Variants in CHODL observed in about 807,000 individuals in gnomAD.
The protein encoded by CHODL is transmembrane protein MT75.
In CHODL, 29 loss-of-function variants were observed where a neutral mutation model predicts 34.5. The ratio of observed to expected loss-of-function variants is 0.84; its 90% confidence interval spans 0.63 to 1.15. CHODL has a LOEUF of 1.15. Ranked by LOEUF, CHODL falls within the 50% of genes most tolerant of loss-of-function variation. The pLI is 0.00. For synonymous variants in CHODL, 125 were observed against 116.1 expected, an observed-to-expected ratio of 1.08 and a Z score of -0.49; for missense variants, 332 against 332.5, an observed-to-expected ratio of 1.00 and a Z score of 0.01.
chr21:18,203,700 A>G (rs1158456552), intron 2 of CHODL, among the ~76,000 whole-genome samples: 1 of 152,164 alleles, frequency 6.6e-6, no homozygotes, highest in African/African-American at 2.4e-5. Flanking sequence ...TAGAAAATAA[A>G]GCCTAACTAA....
rs186220095 is a variant in CHODL, at chr21:18,057,134, C to T, written c.-45+29163C>T. On this transcript the variant is annotated intron_variant, in intron 2 of 6. Transcript: ENST00000400127. ...CCAGCAAATTGTGTTCCAATTTCAT[C>T]CTTGAGGGTAAGATCCTGATTCCAG... 4.8e-3 allele frequency among the ~76,000 whole-genome samples: 732 copies of T among 152,162 alleles called. 7 individuals are homozygous for T. Among genetic ancestry groups the T allele is most frequent in the Non-Finnish European group, 8.4e-3 (574 of 67,968 alleles).
chr21:18,226,354 G>A (rs192958199), intron 2 of CHODL, among the ~76,000 whole-genome samples: 1 of 152,292 alleles, frequency 6.6e-6, no homozygotes, highest in East Asian at 1.9e-4. Context: ...AGGCTGGAGT[G>A]TAGTGGCGTG....
At chr21:18,248,238 A>G (rs2074168016) in intron 1 of CHODL, among the ~76,000 whole-genome samples, 1 of 151,838 alleles carries the variant, frequency 6.6e-6, no homozygotes, top group African/African-American at 2.4e-5. Context: ...TTGCAAATTC[A>G]TGGGTGGTGA....
chr21:18,248,694 C>CATATATATATGTATA (rs542647010), intron 1 of CHODL, among the ~76,000 whole-genome samples: 1 of 108,044 alleles, frequency 9.3e-6, no homozygotes, highest in Non-Finnish European at 1.7e-5. Context: ...ATATTATATA[C>CATATATATATGTATA]ATATATATGT....
chr21:18,234,003 C>T (rs2074006022), intron 2 of CHODL, among the ~76,000 whole-genome samples: 3 of 152,048 alleles, frequency 2.0e-5, no homozygotes, highest in South Asian at 4.1e-4. Context: ...ATCAATAGAG[C>T]ATTAACTTCT....
At chr21:18,169,837 A>T (rs1373514943) in intron 2 of CHODL, among the ~76,000 whole-genome samples, 2 of 151,926 alleles carry the variant, frequency 1.3e-5, no homozygotes, top group Non-Finnish European at 2.9e-5. Context: ...AGTTTTTCTG[A>T]ATTTTCTTGT....
intron 1 of CHODL, among the ~76,000 whole-genome samples, chr21:18,250,856 CT>C (rs1008916034): frequency 1.3e-5 from 2 of 151,224 alleles, no homozygotes; most frequent in East Asian, 1.9e-4. Flanking sequence ...CTCTTTTTTA[CT>C]TTTTTTTGCA....
intron 2 of CHODL, among the ~76,000 whole-genome samples, chr21:18,037,747 G>A (rs1260981356): frequency 6.6e-6 from 1 of 151,722 alleles, no homozygotes; most frequent in Non-Finnish European, 1.5e-5. Context: ...CTTGTAGAAT[G>A]TTTGATGGTT....
chr21:18,115,628 C>T (rs901757911), intron 2 of CHODL, among the ~76,000 whole-genome samples: 1 of 152,210 alleles, frequency 6.6e-6, no homozygotes, highest in South Asian at 2.1e-4. Flanking sequence ...TGCTGTTCTT[C>T]TGCCTTCCTC....
At chr21:18,260,486 T>G (rs568575129) in intron 4 of CHODL, among the ~76,000 whole-genome samples, 200 bp downstream of exon 4, 1 of 152,262 alleles carries the variant, frequency 6.6e-6, no homozygotes, top group South Asian at 2.1e-4. Flanking sequence ...TTTGTTTTCT[T>G]CAGAGTGGTA....
In CHODL at chr21:17,938,493, T is replaced by TTTTTTG. The variant is rs1568806953; in HGVS notation, c.-145+21093_-145+21094insTTTTTG. Among the ~76,000 whole-genome samples the TTTTTTG allele has an allele frequency of 7.4e-5, 4 of 54,032 alleles. 1 individual carries two copies. The highest frequency in any genetic ancestry group is 1.2e-3 in the South Asian group (1 of 868). 35.4% of individuals were successfully genotyped at this position (54,032 alleles called of 152,430 possible). A position where few individuals can be genotyped will look rare whatever the true frequency, so the allele number is the denominator to read the frequency against. ...TTTTTTTTTTTTTTTTTTTTTTTTT[T>TTTTTTG]AAGGAAAGGGAGTCTCGCTCCATCG... On this transcript the variant is annotated intron_variant, in intron 1 of 6. Transcript: ENST00000400127.
intron 1 of CHODL, among the ~76,000 whole-genome samples, chr21:17,994,576 AC>A (rs1396458914): frequency 3.0e-4 from 46 of 152,100 alleles, no homozygotes; most frequent in Non-Finnish European, 1.3e-4. Context: ...ATGGTAGTGG[AC>A]TGAGAGGTCT....
chr21:17,955,131 CT>C (rs1156693448), intron 1 of CHODL, among the ~76,000 whole-genome samples: 1 of 135,094 alleles, frequency 7.4e-6, no homozygotes, highest in East Asian at 2.2e-4. Flanking sequence ...AAGAGCAGTT[CT>C]TTTCTAAGAA....
chr21:17,999,430 G>C (rs1453672722), intron 1 of CHODL, among the ~76,000 whole-genome samples: 1 of 152,038 alleles, frequency 6.6e-6, no homozygotes, highest in East Asian at 1.9e-4. Flanking sequence ...TATCTTTTCA[G>C]CAACACCCCA....
At chr21:18,197,037 G>C (rs772031421) in intron 2 of CHODL, among the ~76,000 whole-genome samples, 2 of 152,128 alleles carry the variant, frequency 1.3e-5, no homozygotes, top group Admixed American at 6.5e-5. Flanking sequence ...TAATTAATAT[G>C]TTAGGTAGCT....
intron 1 of CHODL, among the ~76,000 whole-genome samples, chr21:17,939,385 C>G (rs1037057810): frequency 2.0e-5 from 3 of 152,148 alleles, no homozygotes; most frequent in African/African-American, 7.2e-5. Context: ...TAAGTTTCAT[C>G]CATGTTGTCA....
Position 18,005,615 on chromosome 21 carries a change from T to G in CHODL, c.-144-22257T>G, listed in dbSNP as rs186311906. 2.6e-4 allele frequency among the ~76,000 whole-genome samples: 39 copies of G among 152,310 alleles called. 1 individual carries two copies. The highest frequency in any genetic ancestry group is 6.5e-4 in the Admixed American group (10 of 15,308). ...ACGTGACATTCTCAGATCATAAACA[T>G]CTTTTGTGTAAGTCATGTCCACATA... On this transcript the variant is annotated intron_variant, in intron 1 of 6. Transcript: ENST00000400127.
intron 2 of CHODL, among the ~76,000 whole-genome samples, chr21:18,220,418 CTT>C (rs907491511): frequency 3.3e-4 from 50 of 152,056 alleles, no homozygotes; most frequent in Admixed American, 1.5e-3. Flanking sequence ...TTCTTTCTCT[CTT>C]ATTTCTTATC....
chr21:18,004,463 G>A (rs1314319521), intron 1 of CHODL, among the ~76,000 whole-genome samples: 2 of 152,234 alleles, frequency 1.3e-5, no homozygotes, highest in Admixed American at 1.3e-4. Flanking sequence ...ATAAAGTGAT[G>A]TGAATATTTT....
Sources: gnomAD v4.1 joint callset for allele counts (sites outside exome capture counted in the v4.1 genomes callset) on GRCh38, gnomAD v4.1.1 for gene constraint, MANE v1.5 for transcripts, NCBI Gene and HGNC (gene_info 2026-07-23, HGNC 2026-07-21) for gene names.